The following PDGFD variants were observed in gnomAD, a reference collection of about 807,000 sequenced individuals.
PDGFD encodes the protein platelet derived growth factor D.
Under a neutral mutation model 44.7 loss-of-function variants are expected in PDGFD, and 30 were observed. The observed-to-expected ratio is 0.67, with a 90% CI of 0.50 to 0.91. The LOEUF is 0.91. Among genes scored for constraint, PDGFD ranks in the 40% least tolerant of loss-of-function variants. The probability of loss-of-function intolerance (pLI) is 0.00; values close to 1 mark genes in which losing one functional copy is unlikely to be tolerated. For synonymous variants in PDGFD, 173 were observed against 168.4 expected, an observed-to-expected ratio of 1.03 and a Z score of -0.21; for missense variants, 445 against 457.8, an observed-to-expected ratio of 0.97 and a Z score of 0.25.
At chr11:103,921,775 T>A (rs1372576725) in intron 6 of PDGFD, among the ~76,000 whole-genome samples, 2 of 151,298 alleles carry the variant, frequency 1.3e-5, no homozygotes, top group African/African-American at 4.9e-5. Flanking sequence ...TCTAAGTGAT[T>A]CTAGATGCTA....
intron 1 of PDGFD, among the ~76,000 whole-genome samples, chr11:104,040,198 T>C (rs1021639267): frequency 1.3e-5 from 2 of 152,102 alleles, no homozygotes; most frequent in Non-Finnish European, 2.9e-5. Context: ...CAGTAGGTTT[T>C]CACCAGATTC....
intron 3 of PDGFD, among the ~76,000 whole-genome samples, chr11:103,948,974 T>G (rs1014504232): frequency 3.0e-5 from 4 of 132,364 alleles, no homozygotes; most frequent in African/African-American, 1.2e-4. Context: ...AGAAACCGAC[T>G]AGACATCATT....
At chr11:103,977,862 T>C (rs1355910282) in intron 3 of PDGFD, among the ~76,000 whole-genome samples, 1 of 151,990 alleles carries the variant, frequency 6.6e-6, no homozygotes, top group East Asian at 1.9e-4. Context: ...AGGCCAGCAG[T>C]CCAAATGATA....
In PDGFD at chr11:104,063,521, T is replaced by TGTATACCTCAAG. The variant is rs755781618; in HGVS notation, c.125-63278_125-63267dup. 8.2e-4 allele frequency among the ~76,000 whole-genome samples: 125 copies of TGTATACCTCAAG among 152,194 alleles called. 1 individual carries two copies. The highest frequency in any genetic ancestry group is 3.4e-3 in the Middle Eastern group (1 of 294). ...AATTATGTTACCTGAAAGCAGTAGG[T>TGTATACCTCAAG]GTATACCTCAAGGGGATGTATTAGT... On this transcript the variant is annotated intron_variant, in intron 1 of 6. Transcript: ENST00000393158.
chr11:104,053,813 A>G (rs1276784267), intron 1 of PDGFD, among the ~76,000 whole-genome samples: 1 of 152,184 alleles, frequency 6.6e-6, no homozygotes, highest in Non-Finnish European at 1.5e-5. Flanking sequence ...AATCTATAAA[A>G]TTGGATGGAA....
chr11:104,095,630 T>C (rs1861273983), intron 1 of PDGFD, among the ~76,000 whole-genome samples: 1 of 152,174 alleles, frequency 6.6e-6, no homozygotes, highest in South Asian at 2.1e-4. Context: ...GAGACTTATT[T>C]TTTGGAGATG....
intron 3 of PDGFD, among the ~76,000 whole-genome samples, chr11:103,963,129 AAAAG>A (rs1452499407): frequency 5.9e-5 from 9 of 152,342 alleles, no homozygotes; most frequent in Admixed American, 2.6e-4. Context: ...AAGCTATTAG[AAAAG>A]TGCCTGTCAC....
chr11:104,152,221 T>C (rs964449091), intron 1 of PDGFD, among the ~76,000 whole-genome samples: 1 of 152,200 alleles, frequency 6.6e-6, no homozygotes, highest in Non-Finnish European at 1.5e-5. Flanking sequence ...ATTTAAATAA[T>C]CCCAACATAT....
At chr11:104,036,891 C>T in intron 1 of PDGFD, 1 of 1,614,136 alleles carries the variant, frequency 6.2e-7, no homozygotes. Flanking sequence ...AGGTCAGCCC[C>T]GACTTTGAGC....
intron 3 of PDGFD, among the ~76,000 whole-genome samples, chr11:103,953,827 T>C (rs980093622): frequency 3.3e-5 from 5 of 152,228 alleles, no homozygotes; most frequent in Admixed American, 2.0e-4. Flanking sequence ...AAAAGAGAAT[T>C]GTTCAAAGAC....
At chr11:104,148,113 T>A (rs1375270812) in intron 1 of PDGFD, among the ~76,000 whole-genome samples, 5 of 152,198 alleles carry the variant, frequency 3.3e-5, no homozygotes, top group Non-Finnish European at 7.4e-5. Flanking sequence ...ACTGTTAGTT[T>A]ATTAGATGAC....
At chr11:104,079,459 C>A (rs361304) in intron 1 of PDGFD, among the ~76,000 whole-genome samples, 71,990 of 151,782 alleles carry the variant, frequency 0.47, 18,956 homozygotes, top group African/African-American at 0.72. Flanking sequence ...AAGATCTCGG[C>A]TCACTGCAAC....
chr11:103,919,400 T>C (rs958613445), intron 6 of PDGFD, among the ~76,000 whole-genome samples: 1 of 152,194 alleles, frequency 6.6e-6, no homozygotes, highest in Non-Finnish European at 1.5e-5. Context: ...TGTTAAGGCC[T>C]TGTAACAGTT....
At chr11:104,119,830 TAATC>T (rs1861742972) in intron 1 of PDGFD, among the ~76,000 whole-genome samples, 1 of 116,154 alleles carries the variant, frequency 8.6e-6, no homozygotes, top group African/African-American at 3.4e-5. Context: ...ATGTACTATA[TAATC>T]AATTATTATA....
intron 3 of PDGFD, among the ~76,000 whole-genome samples, chr11:103,985,465 T>C (rs1859348862): frequency 6.6e-6 from 1 of 151,528 alleles, no homozygotes; most frequent in Non-Finnish European, 1.5e-5. Flanking sequence ...CCTCCCAAAG[T>C]GCTGGGATTA....
chr11:103,928,588 T>C (rs1417019878), intron 5 of PDGFD, among the ~76,000 whole-genome samples: 1 of 152,248 alleles, frequency 6.6e-6, no homozygotes, highest in Non-Finnish European at 1.5e-5. Flanking sequence ...TATCTACAAC[T>C]GTGCTTTGAT....
At chr11:104,153,097 T>C (rs1438676250) in intron 1 of PDGFD, among the ~76,000 whole-genome samples, 1 of 151,744 alleles carries the variant, frequency 6.6e-6, no homozygotes, top group East Asian at 1.9e-4. Flanking sequence ...TCTATCTTTA[T>C]GACCTTCTCT....
chr11:103,926,842 T>C, intron 6 of PDGFD, 70 bp downstream of exon 6: 1 of 1,460,048 alleles, frequency 6.8e-7, no homozygotes, highest in South Asian at 1.3e-5. Context: ...TGAACAACTG[T>C]ATGCAATGGC....
chr11:104,119,691 T>A, intron 1 of PDGFD, among the ~76,000 whole-genome samples: 1 of 97,208 alleles, frequency 1.0e-5, no homozygotes, highest in Non-Finnish European at 1.8e-5. Context: ...CGATATATAA[T>A]ATATAATATC....
Sources: allele counts gnomAD v4.1 joint callset (sites outside exome capture counted in the v4.1 genomes callset), GRCh38; gene constraint gnomAD v4.1.1; transcripts MANE v1.5; gene names NCBI Gene and HGNC (gene_info 2026-07-23, HGNC 2026-07-21).